TBCK: variants seen among roughly 807,000 people sequenced by gnomAD.
TBCK encodes TBC1 domain containing kinase, also known as TBC domain-containing protein kinase-like protein.
In TBCK, 99 loss-of-function variants were observed where a neutral mutation model predicts 113.4. The observed-to-expected ratio is 0.87, with a 90% CI of 0.74 to 1.03. The LOEUF is 1.03. TBCK is among the 50% of genes least tolerant of loss of function. The pLI is 0.00. For synonymous variants in TBCK, 369 were observed against 370.8 expected (o/e 1.00, Z 0.05); for missense variants, 1,045 against 1,061.3 (o/e 0.98, Z 0.21).
At chr4:106,311,731 T>A (rs1768213293) in intron 1 of TBCK, among the ~76,000 whole-genome samples, 1 of 152,128 alleles carries the variant, frequency 6.6e-6, no homozygotes, top group Non-Finnish European at 1.5e-5. Context: ...GTATCTATAT[T>A]TATCTACATA....
At chr4:106,255,360 C>G (rs904218471) in intron 5 of TBCK, among the ~76,000 whole-genome samples, 1 of 152,196 alleles carries the variant, frequency 6.6e-6, no homozygotes, top group African/African-American at 2.4e-5. Flanking sequence ...CTGGATGCCA[C>G]GCGGCCAAGG....
intron 19 of TBCK, among the ~76,000 whole-genome samples, chr4:106,226,093 G>C (rs1228451236): frequency 6.6e-6 from 1 of 152,110 alleles, no homozygotes; most frequent in Non-Finnish European, 1.5e-5. Context: ...GAGCACAGGA[G>C]GTGGAGGTTG....
At chr4:106,250,156 T>C (rs572799971) in intron 7 of TBCK, among the ~76,000 whole-genome samples, 1 of 152,106 alleles carries the variant, frequency 6.6e-6, no homozygotes, top group Admixed American at 6.6e-5. Flanking sequence ...CACAAGTTAA[T>C]TTACTTGGCT....
intron 23 of TBCK, among the ~76,000 whole-genome samples, chr4:106,123,401 T>A (rs566820638): frequency 6.6e-6 from 1 of 152,216 alleles, no homozygotes; most frequent in East Asian, 1.9e-4. Context: ...GAACATTTCA[T>A]GCTCATGGGT....
intron 2 of TBCK, among the ~76,000 whole-genome samples, chr4:106,306,058 G>A (rs1205080050): frequency 6.6e-6 from 1 of 151,618 alleles, no homozygotes; most frequent in Non-Finnish European, 1.5e-5. Flanking sequence ...CTATGGACTT[G>A]CCCTGAATTC....
chr4:106,195,765 A>C (rs1754160937), intron 20 of TBCK, among the ~76,000 whole-genome samples: 1 of 152,034 alleles, frequency 6.6e-6, no homozygotes, highest in Non-Finnish European at 1.5e-5. Context: ...TCAGAATTAC[A>C]AACACCTCTA....
intron 2 of TBCK, among the ~76,000 whole-genome samples, chr4:106,299,668 T>C (rs1766710115): frequency 6.6e-6 from 1 of 152,206 alleles, no homozygotes; most frequent in Admixed American, 6.5e-5. Flanking sequence ...AAAGAAATCT[T>C]TAGAGAGTCT....
At chr4:106,049,110 A>C (rs895331462) in intron 25 of TBCK, among the ~76,000 whole-genome samples, 1 of 152,136 alleles carries the variant, frequency 6.6e-6, no homozygotes, top group Non-Finnish European at 1.5e-5. Flanking sequence ...CTGGCAGTGA[A>C]ACCACGACTG....
chr4:106,214,513 T>G (rs1244657447), intron 19 of TBCK, among the ~76,000 whole-genome samples: 6 of 151,750 alleles, frequency 4.0e-5, no homozygotes, highest in Non-Finnish European at 8.8e-5. Flanking sequence ...TACAGAGAAG[T>G]GCTTAAAGGA....
chr4:106,244,575 A>G (rs1579376283), intron 11 of TBCK, 51 bp downstream of exon 11: 26 of 1,377,216 alleles, frequency 1.9e-5, no homozygotes, highest in Non-Finnish European at 2.4e-5. Flanking sequence ...CCATAGAATT[A>G]TTACCATGTA....
chr4:106,105,218 C>G (rs895985416), intron 24 of TBCK, among the ~76,000 whole-genome samples: 7 of 152,186 alleles, frequency 4.6e-5, no homozygotes. Flanking sequence ...ACACACTCCC[C>G]AAAACTCATC....
intron 12 of TBCK, 57 bp from the exon 13 acceptor site, chr4:106,236,865 C>A (rs1579348562): frequency 9.8e-7 from 1 of 1,015,340 alleles, no homozygotes; most frequent in South Asian, 2.1e-5. Context: ...AAACCCTGAT[C>A]TGTGTTTAAA....
intron 4 of TBCK, among the ~76,000 whole-genome samples, chr4:106,261,737 A>G (rs891901488): frequency 2.6e-5 from 4 of 152,030 alleles, no homozygotes; most frequent in African/African-American, 4.8e-5. Flanking sequence ...GTTGGTTTAT[A>G]TGAATAACAT....
intron 3 of TBCK, among the ~76,000 whole-genome samples, chr4:106,265,255 T>C (rs2150111186): frequency 6.6e-6 from 1 of 152,066 alleles, no homozygotes; most frequent in South Asian, 2.1e-4. Context: ...ATTTAATTTT[T>C]TTGAGGATAT....
intron 23 of TBCK, among the ~76,000 whole-genome samples, chr4:106,169,634 C>T (rs1435276095): frequency 6.6e-6 from 1 of 151,990 alleles, no homozygotes. Flanking sequence ...GACAATTTTT[C>T]CATGGACCCA....
chr4:106,297,116 C>CAGTT (rs1011825502), intron 2 of TBCK, among the ~76,000 whole-genome samples: 16 of 152,122 alleles, frequency 1.1e-4, no homozygotes, highest in Non-Finnish European at 2.1e-4. Context: ...GAAATGCTAC[C>CAGTT]AGTTCCTCCA....
rs190009306 is a variant in TBCK, at chr4:106,070,352, G to T, written c.2572-23672C>A. ...TTTACTGAGAGCTTTTAGCATGAAG[G>T]GCTGTTGAATTTTGTCAAAGGTGTT... On this transcript the variant is annotated intron_variant, in intron 25 of 25. Coordinates refer to ENST00000394708, the MANE Select transcript of TBCK (RefSeq NM_001163435.3). Among the ~76,000 whole-genome samples, 38 of 152,164 alleles carry T rather than the reference G, an allele frequency of 2.5e-4. No individual in the cohort carries two copies. The South Asian group carries it at 7.7e-3, about 31-fold the overall frequency.
intron 25 of TBCK, among the ~76,000 whole-genome samples, chr4:106,061,887 C>G (rs1235129894): frequency 1.3e-5 from 2 of 151,638 alleles, no homozygotes; most frequent in Admixed American, 6.6e-5. Context: ...ATGGTGAACT[C>G]TTTATGATGG....
At chr4:106,117,034 T>C (rs1262840068) in intron 23 of TBCK, among the ~76,000 whole-genome samples, 5 of 152,100 alleles carry the variant, frequency 3.3e-5, no homozygotes, top group Admixed American at 6.6e-5. Flanking sequence ...CAGTCCCTGG[T>C]GCCAAAACGG....
Sources: gnomAD v4.1 joint callset for allele counts (sites outside exome capture counted in the v4.1 genomes callset) on GRCh38, gnomAD v4.1.1 for gene constraint, MANE v1.5 for transcripts, NCBI Gene and HGNC (gene_info 2026-07-23, HGNC 2026-07-21) for gene names.